GALNT16: variants seen among roughly 807,000 people sequenced by gnomAD.
The protein encoded by GALNT16 is polypeptide N-acetylgalactosaminyltransferase 16, also known as UDP-GalNAc:polypeptide N-acetylgalactosaminyltransferase-like protein 1.
In GALNT16, 40 loss-of-function variants were observed where a neutral mutation model predicts 76.1. The ratio of observed to expected loss-of-function variants is 0.53; its 90% CI spans 0.41 to 0.68. The LOEUF is 0.68. GALNT16 is among the 30% of genes least tolerant of loss of function. The probability of loss-of-function intolerance (pLI) is 0.00; values close to 1 mark genes in which losing one functional copy is unlikely to be tolerated. For synonymous variants in GALNT16, 276 were observed against 285.2 expected, an observed-to-expected ratio of 0.97 and a Z score of 0.32; for missense variants, 621 against 731.9, an observed-to-expected ratio of 0.85 and a Z score of 1.75.
intron 9 of GALNT16, among the ~76,000 whole-genome samples, chr14:69,337,615 C>T (rs892861582): frequency 4.6e-5 from 7 of 152,168 alleles, no homozygotes; most frequent in South Asian, 2.1e-4. Flanking sequence ...GGAGAAGGGA[C>T]GGATGCCTGG....
chr14:69,328,622 C>T (rs75562906), intron 6 of GALNT16, 51 bp downstream of exon 6: 16 of 1,581,240 alleles, frequency 1.0e-5, no homozygotes, highest in African/African-American at 5.4e-5. Flanking sequence ...TCAGCCACTA[C>T]GTTCCTGGCA....
At chr14:69,302,460 A>T (rs988516692) in intron 1 of GALNT16, among the ~76,000 whole-genome samples, 1 of 152,170 alleles carries the variant, frequency 6.6e-6, no homozygotes, top group Admixed American at 6.5e-5. Context: ...TTTATGTAAT[A>T]TCTATTTTAT....
At chr14:69,294,074 A>G (rs1019200548) in intron 1 of GALNT16, among the ~76,000 whole-genome samples, 6 of 152,090 alleles carry the variant, frequency 3.9e-5, no homozygotes, top group Admixed American at 3.3e-4. Context: ...TATTTTTAGT[A>G]GAGACGGGTT....
At chr14:69,307,075 G>A (rs1259972067) in intron 1 of GALNT16, among the ~76,000 whole-genome samples, 5 of 152,102 alleles carry the variant, frequency 3.3e-5, no homozygotes, top group African/African-American at 9.7e-5. Context: ...GGAACTACCA[G>A]GGGAACTCAC....
chr14:69,373,828 T>C, the GALNT16 span, among the ~76,000 whole-genome samples: 2 of 152,118 alleles, frequency 1.3e-5, no homozygotes, highest in African/African-American at 4.8e-5. Context: ...CAGGCTGGAG[T>C]GCAGTGGCAC....
intron 1 of GALNT16, among the ~76,000 whole-genome samples, chr14:69,311,496 A>G (rs541201929): frequency 6.6e-6 from 1 of 152,224 alleles, no homozygotes; most frequent in Admixed American, 6.5e-5. Flanking sequence ...AGGCAGGCTG[A>G]TTTTTCCCAA....
chr14:69,294,024 G>T (rs1198008799), intron 1 of GALNT16, among the ~76,000 whole-genome samples: 1 of 152,020 alleles, frequency 6.6e-6, no homozygotes, highest in Non-Finnish European at 1.5e-5. Flanking sequence ...CTGAGTAGTT[G>T]GGACTAGAGG....
At chr14:69,351,429 C>T (rs891590544) in intron 14 of GALNT16, 3 of 152,230 alleles carry the variant, frequency 2.0e-5, no homozygotes, top group African/African-American at 7.2e-5. Flanking sequence ...CAGATTTGCA[C>T]GTGGCAACCA....
Position 69,325,953 on chromosome 14 carries a change from C to A in GALNT16, c.503-9C>A. 6.2e-7 allele frequency: 1 copy of A among 1,611,654 alleles called. No homozygotes were observed. Among genetic ancestry groups the A allele is most frequent in the Middle Eastern group, 1.7e-4 (1 of 6,054 alleles). On this transcript the variant is annotated splice_polypyrimidine_tract_variant and intron_variant, in intron 4 of 14. Transcript: ENST00000448469. ...CTAAATGAGCTTGCCTTCCTCTTTG[C>A]ATCCTCAGCGGAAGACTGTCTACTC...
At chr14:69,322,981 T>TGCGCGC (rs1555400172) in intron 2 of GALNT16, among the ~76,000 whole-genome samples, 6 of 28,324 alleles carry the variant, frequency 2.1e-4, no homozygotes, top group South Asian at 3.1e-3. Flanking sequence ...TGTGTGTGTG[T>TGCGCGC]GCGCGCGCAC....
At chr14:69,269,490 T>C (rs2044378529) in intron 1 of GALNT16, among the ~76,000 whole-genome samples, 1 of 149,696 alleles carries the variant, frequency 6.7e-6, no homozygotes, top group Admixed American at 6.7e-5. Flanking sequence ...ATGTGATGTG[T>C]GTGTGTGGCA....
chr14:69,276,794 T>C (rs1205966892), intron 1 of GALNT16, among the ~76,000 whole-genome samples: 1 of 152,146 alleles, frequency 6.6e-6, no homozygotes. Flanking sequence ...CTTTTTGGAA[T>C]AAAAAAACTC....
intron 1 of GALNT16, among the ~76,000 whole-genome samples, chr14:69,298,260 G>A (rs535694929): frequency 6.6e-6 from 1 of 152,324 alleles, no homozygotes; most frequent in African/African-American, 2.4e-5. Context: ...AGTGCCCAGC[G>A]CCCTTCACCT....
At chr14:69,304,166 A>G (rs61643030) in intron 1 of GALNT16, among the ~76,000 whole-genome samples, 4,273 of 152,294 alleles carry the variant, frequency 0.028, 190 homozygotes, top group African/African-American at 0.098. Context: ...TTAAAATGAC[A>G]GGAAAACACC....
rs1016491257 is a variant in GALNT16 at position 69,320,697 on chromosome 14, G to A, written c.178-14G>A. The A allele has an allele frequency of 6.2e-7, 1 of 1,612,242 alleles. No homozygotes were observed. The highest frequency in any genetic ancestry group is 1.3e-5 in the African/African-American group (1 of 74,890). On this transcript the variant is annotated splice_polypyrimidine_tract_variant and intron_variant, in intron 1 of 14. Transcript: ENST00000448469. The stretch of plus-strand genomic sequence containing the variant: ...CCTGCCTGTGGTCCTCTCTGATGCT[G>A]ACCTTCATCTCAGGTGACAGGAACT...
intron 5 of GALNT16, among the ~76,000 whole-genome samples, chr14:69,326,648 G>A (rs749161100): frequency 6.6e-6 from 1 of 152,192 alleles, no homozygotes; most frequent in Non-Finnish European, 1.5e-5. Context: ...AGGGGAGCAA[G>A]GGAGGGCATG....
At chr14:69,271,135 C>T (rs1028389749) in intron 1 of GALNT16, among the ~76,000 whole-genome samples, 2 of 152,158 alleles carry the variant, frequency 1.3e-5, no homozygotes, top group Non-Finnish European at 2.9e-5. Context: ...AAAACAACAA[C>T]GGGACATGGC....
chr14:69,280,666 G>A (rs1237510954), intron 1 of GALNT16, among the ~76,000 whole-genome samples: 15 of 152,112 alleles, frequency 9.9e-5, no homozygotes, highest in Admixed American at 9.8e-4. Flanking sequence ...GAGGCATCCA[G>A]CAGAGTGCCC....
the GALNT16 span, among the ~76,000 whole-genome samples, chr14:69,363,191 C>T: frequency 1.3e-5 from 2 of 152,174 alleles, no homozygotes; most frequent in African/African-American, 4.8e-5. Context: ...AGACAGTCCT[C>T]GGCCAGTGCC....
Sources: gnomAD v4.1 joint callset for allele counts (sites outside exome capture counted in the v4.1 genomes callset) on GRCh38, gnomAD v4.1.1 for gene constraint, MANE v1.5 for transcripts, NCBI Gene and HGNC (gene_info 2026-07-23, HGNC 2026-07-21) for gene names.